The following SH3BGRL variants were observed in gnomAD, a reference collection of about 807,000 sequenced individuals.
SH3BGRL encodes adapter SH3BGRL.
Under a neutral mutation model 9.8 loss-of-function variants are expected in SH3BGRL, and 7 were observed. The observed-to-expected ratio is 0.72, with a 90% CI of 0.41 to 1.35. SH3BGRL has a LOEUF of 1.35. SH3BGRL is among the 40% of genes most tolerant of loss of function. The pLI, the probability that SH3BGRL is intolerant of heterozygous loss-of-function variation, is 0.01. For synonymous variants in SH3BGRL, 36 were observed against 29.1 expected (o/e 1.24, Z -0.76); for missense variants, 73 against 84.4 (o/e 0.86, Z 0.53).
intron 3 of SH3BGRL, among the ~76,000 whole-genome samples, chrX:81,287,810 A>G (rs975837115): frequency 9.0e-6 from 1 of 111,283 alleles, no homozygotes; most frequent in Non-Finnish European, 1.9e-5. Flanking sequence ...ATAATAAAAA[A>G]GAAATGGCAA....
At chrX:81,277,196 T>A (rs1486086575) in intron 2 of SH3BGRL, 27 bp downstream of exon 2, 2 of 1,154,904 alleles carry the variant, frequency 1.7e-6, no homozygotes, top group South Asian at 3.8e-5. Flanking sequence ...AATTCTTGTT[T>A]ATTGTAATAG....
chrX:81,220,602 C>T (rs748485907), intron 1 of SH3BGRL, among the ~76,000 whole-genome samples: 19 of 103,569 alleles, frequency 1.8e-4, no homozygotes, highest in African/African-American at 6.5e-4. Context: ...GTTTTTTTTT[C>T]ATTTCAATTT....
intron 1 of SH3BGRL, among the ~76,000 whole-genome samples, chrX:81,236,017 C>G (rs1452024973): frequency 9.0e-6 from 1 of 111,528 alleles, no homozygotes. Context: ...GAATTACTAC[C>G]CTGACCAATC....
In SH3BGRL at chrX:81,294,835, A is replaced by G. The variant is rs546878569; in HGVS notation, c.313-2360A>G. Among the ~76,000 whole-genome samples, 3 of 112,395 alleles carry G rather than the reference A, an allele frequency of 2.7e-5. No homozygotes were observed. In the South Asian group the frequency reaches 1.1e-3, roughly 41 times the overall value. ...CACAGGGGCAGAGCTGCCCAAGACC[A>G]TGGGAACCTACCTTTTGCATCACTG... is the stretch of plus-strand genomic sequence containing the variant. On this transcript the variant is annotated intron_variant, in intron 3 of 3. Coordinates refer to ENST00000373212, the MANE Select transcript of SH3BGRL (RefSeq NM_003022.3).
Position 81,278,741 on chromosome X carries a change from G to T in SH3BGRL, c.312+330G>T, listed in dbSNP as rs755409616. 6.3e-5 allele frequency among the ~76,000 whole-genome samples: 7 copies of T among 111,722 alleles called. No homozygotes were observed. In the South Asian group the frequency reaches 2.6e-3, roughly 42 times the overall value. On this transcript the variant is annotated intron_variant, in intron 3 of 3. Coordinates refer to ENST00000373212, the MANE Select transcript of SH3BGRL (RefSeq NM_003022.3). Reference sequence around the variant, plus strand: ...CAGCTGTCCTGCATGGTTCTACATCGACAGTAAGCATCTTAGTTCATGGTA... The same window carrying T: ...CAGCTGTCCTGCATGGTTCTACATCTACAGTAAGCATCTTAGTTCATGGTA...
chrX:81,258,321 GAAC>G (rs768880021), intron 1 of SH3BGRL, among the ~76,000 whole-genome samples: 21 of 111,608 alleles, frequency 1.9e-4, no homozygotes, highest in African/African-American at 2.9e-4. Context: ...ACAAGTAAAT[GAAC>G]AACAACAACA....
chrX:81,258,735 T>C (rs1466554553), intron 1 of SH3BGRL, among the ~76,000 whole-genome samples: 1 of 112,169 alleles, frequency 8.9e-6, no homozygotes, highest in East Asian at 2.8e-4. Flanking sequence ...TATCAAATGA[T>C]GTCATGTCTA....
chrX:81,263,625 G>A (rs943549367), intron 1 of SH3BGRL, among the ~76,000 whole-genome samples: 3 of 111,341 alleles, frequency 2.7e-5, no homozygotes, highest in Non-Finnish European at 3.8e-5. Context: ...TGTCCATGCT[G>A]TTTTCCATAG....
intron 1 of SH3BGRL, among the ~76,000 whole-genome samples, chrX:81,251,149 G>A (rs776118653): frequency 2.5e-4 from 28 of 111,717 alleles, no homozygotes; most frequent in Admixed American, 5.7e-4. Flanking sequence ...AAAATTACTC[G>A]TATTTTAATG....
At chrX:81,202,562 T>A (rs2075532362) in intron 1 of SH3BGRL, 1 of 843,864 alleles carries the variant, frequency 1.2e-6, no homozygotes, top group Admixed American at 6.8e-5. Context: ...TGAAGTCAAG[T>A]AAAATCGCAC....
intron 1 of SH3BGRL, among the ~76,000 whole-genome samples, chrX:81,266,320 T>G (rs766159572): frequency 8.9e-6 from 1 of 112,172 alleles, no homozygotes; most frequent in South Asian, 3.7e-4. Flanking sequence ...TCTAGGATTT[T>G]TATGGTCCTA....
chrX:81,255,348 CATT>C (rs2075722653), intron 1 of SH3BGRL: 1 of 111,605 alleles, frequency 9.0e-6, no homozygotes, highest in African/African-American at 3.3e-5. Flanking sequence ...CTATTTGTCT[CATT>C]ATATGAAGTT....
rs191697488 is a variant in SH3BGRL at position 81,233,777 on chromosome X, A to G, written c.45+31532A>G. 5.4e-5 allele frequency among the ~76,000 whole-genome samples: 6 copies of G among 111,226 alleles called. No homozygotes were observed. In the East Asian group the frequency reaches 1.4e-3, roughly 26 times the overall value. Reference sequence around the variant, plus strand: ...TTGAATACCTTGCCCAAGGTCTTATAGTCAATAATTTTAGAGCCAGGATCC... The same window carrying G: ...TTGAATACCTTGCCCAAGGTCTTATGGTCAATAATTTTAGAGCCAGGATCC... On this transcript the variant is annotated intron_variant, in intron 1 of 3. Transcript: ENST00000373212.
intron 1 of SH3BGRL, among the ~76,000 whole-genome samples, chrX:81,259,151 G>A (rs1391622403): frequency 8.9e-6 from 1 of 111,863 alleles, no homozygotes; most frequent in Non-Finnish European, 1.9e-5. Context: ...GTTTGCATAT[G>A]CCTGCCCTGT....
chrX:81,267,323 G>C (rs925355384), intron 1 of SH3BGRL, among the ~76,000 whole-genome samples: 2 of 111,842 alleles, frequency 1.8e-5, no homozygotes, highest in African/African-American at 6.5e-5. Flanking sequence ...TGCCCATTCA[G>C]TATGACATCG....
intron 1 of SH3BGRL, among the ~76,000 whole-genome samples, chrX:81,226,484 A>T (rs1430661569): frequency 9.8e-6 from 1 of 102,188 alleles, no homozygotes; most frequent in East Asian, 3.0e-4. Flanking sequence ...GTAGTCTTGG[A>T]TATATTTATA....
At chrX:81,241,280 C>G (rs1569361968) in intron 1 of SH3BGRL, among the ~76,000 whole-genome samples, 2 of 112,039 alleles carry the variant, frequency 1.8e-5, no homozygotes, top group South Asian at 3.7e-4. Flanking sequence ...TGCATGCACC[C>G]CTTGGCACAA....
intron 1 of SH3BGRL, among the ~76,000 whole-genome samples, chrX:81,224,604 CTAAGAG>C (rs1355215354): frequency 2.7e-5 from 3 of 111,160 alleles, no homozygotes; most frequent in Non-Finnish European, 3.8e-5. Flanking sequence ...GGAGGCAATA[CTAAGAG>C]TAAATCAAGA....
At chrX:81,253,885 T>A (rs59810025) in intron 1 of SH3BGRL, among the ~76,000 whole-genome samples, 1,247 of 111,986 alleles carry the variant, frequency 0.011, 18 homozygotes, top group African/African-American at 0.038. Context: ...ATTTGCTTAC[T>A]GTCCAGTATA....
Sources: allele counts gnomAD v4.1 joint callset (sites outside exome capture counted in the v4.1 genomes callset), GRCh38; gene constraint gnomAD v4.1.1; transcripts MANE v1.5; gene names NCBI Gene and HGNC (gene_info 2026-07-23, HGNC 2026-07-21).